The following DCDC1 variants were observed in gnomAD, a reference collection of about 807,000 sequenced individuals.
DCDC1 encodes doublecortin domain-containing protein 1.
A neutral mutation model predicts 178.3 loss-of-function variants in DCDC1; 200 were observed. The observed-to-expected ratio is 1.12, with a 90% CI of 1.00 to 1.26. DCDC1 has a LOEUF of 1.26. Ranked by LOEUF, DCDC1 falls within the 50% of genes most tolerant of loss-of-function variation. DCDC1 has a pLI of 0.00. For synonymous variants in DCDC1, 690 were observed against 604.8 expected, an observed-to-expected ratio of 1.14 and a Z score of -2.07; for missense variants, 1,983 against 1,749.2, an observed-to-expected ratio of 1.13 and a Z score of -2.38.
At chr11:31,299,120 C>T (rs916178003) in intron 6 of DCDC1, among the ~76,000 whole-genome samples, 15 of 152,200 alleles carry the variant, frequency 9.9e-5, no homozygotes, top group Non-Finnish European at 1.8e-4. Context: ...ATCCAGGTCA[C>T]ATTCCTGCAT....
rs183021282 is a variant in DCDC1, at chr11:31,181,094, G to T, written c.1222-43310C>A. Reference sequence around the variant, plus strand: ...TTCCCCTCACATTGTAAACAAAGCCGCCGGTAAGTTAAAACTGGGCAGAGG... The same window carrying T: ...TTCCCCTCACATTGTAAACAAAGCCTCCGGTAAGTTAAAACTGGGCAGAGG... On this transcript the variant is annotated intron_variant, in intron 9 of 38. Coordinates refer to ENST00000684477, the MANE Select transcript of DCDC1 (RefSeq NM_001387274.1). Among the ~76,000 whole-genome samples the T allele has an allele frequency of 9.2e-5, 14 of 152,230 alleles. No homozygotes were observed. The East Asian group carries it at 2.5e-3, about 27-fold the overall frequency.
chr11:31,322,600 G>A (rs1949426158), intron 3 of DCDC1, among the ~76,000 whole-genome samples: 1 of 152,158 alleles, frequency 6.6e-6, no homozygotes, highest in Non-Finnish European at 1.5e-5. Flanking sequence ...AGATACAAGT[G>A]ATCAAACATC....
intron 9 of DCDC1, among the ~76,000 whole-genome samples, chr11:31,227,744 A>G (rs1010524281): frequency 1.3e-5 from 2 of 152,126 alleles, no homozygotes; most frequent in Non-Finnish European, 2.9e-5. Context: ...GGCCCAAAAT[A>G]TTATTTCTAC....
chr11:30,954,253 G>C (rs1319273225), intron 20 of DCDC1, among the ~76,000 whole-genome samples: 1 of 151,816 alleles, frequency 6.6e-6, no homozygotes, highest in African/African-American at 2.4e-5. Context: ...CTGACCTCGT[G>C]ATCTGCCGGC....
At chr11:30,937,673 CCTT>C (rs1180128964) in intron 21 of DCDC1, among the ~76,000 whole-genome samples, 3 of 152,126 alleles carry the variant, frequency 2.0e-5, no homozygotes, top group Non-Finnish European at 2.9e-5. Flanking sequence ...CTTACAAAGA[CCTT>C]CTGAGCTTCC....
intron 9 of DCDC1, among the ~76,000 whole-genome samples, chr11:31,163,547 A>G: frequency 6.6e-6 from 1 of 152,218 alleles, no homozygotes; most frequent in Non-Finnish European, 1.5e-5. Context: ...TAGCTTCTGC[A>G]GAGCTACATA....
intron 1 of DCDC1, among the ~76,000 whole-genome samples, chr11:31,354,576 C>T (rs987026663): frequency 6.6e-5 from 10 of 152,156 alleles, no homozygotes; most frequent in African/African-American, 2.2e-4. Context: ...AAGAGCCAAA[C>T]ATGCCAGATG....
In DCDC1 at chr11:30,945,034, T is replaced by A. The variant is rs1947922265; in HGVS notation, c.2715+7411A>T. Among the ~76,000 whole-genome samples, 4 of 129,326 alleles carry A rather than the reference T, an allele frequency of 3.1e-5. No individual in the cohort carries two copies. In the South Asian group the frequency reaches 1.1e-3, roughly 36 times the overall value. 84.8% of individuals were successfully genotyped at this position (129,326 alleles called of 152,430 possible). On this transcript the variant is annotated intron_variant, in intron 21 of 38. Transcript: ENST00000684477. The stretch of plus-strand genomic sequence containing the variant: ...CCCAGGTTGGAGTGCAGTGGCACAA[T>A]CTCAGCTCACTGCAACCTCTGCCTC...
intron 9 of DCDC1, among the ~76,000 whole-genome samples, chr11:31,217,380 G>A (rs1973722067): frequency 6.6e-6 from 1 of 152,126 alleles, no homozygotes; most frequent in Admixed American, 6.6e-5. Flanking sequence ...TAGATACTCT[G>A]ATCTGGAGGA....
chr11:31,034,885 G>A (rs1953922592), intron 20 of DCDC1, among the ~76,000 whole-genome samples: 1 of 152,136 alleles, frequency 6.6e-6, no homozygotes, highest in African/African-American at 2.4e-5. Context: ...TATCCATTCT[G>A]TATACATTTT....
intron 20 of DCDC1, among the ~76,000 whole-genome samples, chr11:30,952,872 A>C (rs1472109013): frequency 6.6e-6 from 1 of 152,192 alleles, no homozygotes; most frequent in Admixed American, 6.5e-5. Context: ...CATAAATAAC[A>C]ATATTAACAT....
At chr11:30,999,858 A>G (rs888531211) in intron 20 of DCDC1, among the ~76,000 whole-genome samples, 1 of 152,240 alleles carries the variant, frequency 6.6e-6, no homozygotes, top group African/African-American at 2.4e-5. Flanking sequence ...TTAGGAGCAC[A>G]CTGGAGACCA....
chr11:31,255,114 A>G (rs929413744), intron 8 of DCDC1, among the ~76,000 whole-genome samples: 1 of 152,224 alleles, frequency 6.6e-6, no homozygotes, highest in Non-Finnish European at 1.5e-5. Context: ...TAGCATTATC[A>G]GCATTTCATT....
At chr11:31,193,286 C>A (rs1970331049) in intron 9 of DCDC1, among the ~76,000 whole-genome samples, 1 of 151,964 alleles carries the variant, frequency 6.6e-6, no homozygotes, top group Admixed American at 6.6e-5. Context: ...CTCTGGAGAA[C>A]CCTAATACAA....
intron 9 of DCDC1, among the ~76,000 whole-genome samples, chr11:31,222,141 C>A (rs1974344875): frequency 6.6e-6 from 1 of 152,118 alleles, no homozygotes; most frequent in African/African-American, 2.4e-5. Context: ...CGGCTCACTG[C>A]AACCTCTGCC....
intron 1 of DCDC1, among the ~76,000 whole-genome samples, chr11:31,355,573 T>C (rs1262705092): frequency 1.3e-5 from 2 of 152,156 alleles, no homozygotes; most frequent in African/African-American, 4.8e-5. Context: ...TCTTTTTCTT[T>C]TTTCTTTTTT....
At chr11:31,277,535 T>G (rs990569711) in intron 7 of DCDC1, among the ~76,000 whole-genome samples, 2 of 152,140 alleles carry the variant, frequency 1.3e-5, no homozygotes, top group African/African-American at 4.8e-5. Flanking sequence ...TGCATTCTTA[T>G]CAGCTAAATA....
chr11:31,101,433 G>A (rs1958497513), intron 15 of DCDC1, among the ~76,000 whole-genome samples: 1 of 152,044 alleles, frequency 6.6e-6, no homozygotes, highest in Admixed American at 6.5e-5. Flanking sequence ...GGACCTTCAG[G>A]ATTGGGTTGC....
chr11:31,279,423 T>C (rs1946254221), intron 7 of DCDC1, among the ~76,000 whole-genome samples: 1 of 152,092 alleles, frequency 6.6e-6, no homozygotes, highest in African/African-American at 2.4e-5. Flanking sequence ...AAGAGTGAAG[T>C]TTATAAGACA....
Sources: allele counts gnomAD v4.1 joint callset (sites outside exome capture counted in the v4.1 genomes callset), GRCh38; gene constraint gnomAD v4.1.1; transcripts MANE v1.5; gene names NCBI Gene and HGNC (gene_info 2026-07-23, HGNC 2026-07-21).